The following KIF17 variants were observed in gnomAD, a reference collection of about 807,000 sequenced individuals.
The protein encoded by KIF17 is kinesin family member 17.
Under a neutral mutation model 96.8 loss-of-function variants are expected in KIF17, and 80 were observed. The observed-to-expected ratio is 0.83, with a 90% CI of 0.69 to 1.00. KIF17 has a LOEUF of 1.00. KIF17 is among the 50% of genes least tolerant of loss of function. KIF17 has a pLI of 0.00. For synonymous variants in KIF17, 567 were observed against 587.5 expected (o/e 0.97, Z 0.51); for missense variants, 1,280 against 1,372.9 (o/e 0.93, Z 1.07).
At position 20,704,955 on chromosome 1, in the gene KIF17, G is replaced by A; in HGVS notation, c.671-56C>T. 5 of 1,499,812 alleles carry A rather than the reference G, an allele frequency of 3.3e-6. No homozygotes were observed. The highest frequency in any genetic ancestry group is 1.4e-5 in the African/African-American group (1 of 73,000). 92.9% of individuals were successfully genotyped at this position (1,499,812 alleles called of 1,614,324 possible). Reference sequence around the variant, plus strand: ...CCTCGGGTGAGCCCTATGTATCGAGGGCAATCAGTGCCAGGCACTGGGTGC... The same window carrying A: ...CCTCGGGTGAGCCCTATGTATCGAGAGCAATCAGTGCCAGGCACTGGGTGC... On this transcript the variant is annotated intron_variant, in intron 4 of 14. Coordinates refer to ENST00000400463, the MANE Select transcript of KIF17 (RefSeq NM_001122819.3). This position sits in a 1 kb window ranked among gnomAD's most constrained non-coding sequence, Gnocchi z 6.8.
rs2054209589 is a variant in KIF17, at chr1:20,700,225, T to C, written c.1124-1737A>G. On this transcript the variant is annotated intron_variant, in intron 5 of 14. Coordinates refer to ENST00000400463, the MANE Select transcript of KIF17 (RefSeq NM_001122819.3). The surrounding 1 kb of genome is among the most constrained non-coding windows in gnomAD (Gnocchi z 4.6). ...AGCTGCGACTACAGGTGTGCGCCACTACGCCTGGCTAATATTTTCTATTTT... is the reference window on the plus strand; with the variant it reads ...AGCTGCGACTACAGGTGTGCGCCACCACGCCTGGCTAATATTTTCTATTTT... 2.0e-5 allele frequency among the ~76,000 whole-genome samples: 3 copies of C among 152,120 alleles called. No individual in the cohort carries two copies. The highest frequency in any genetic ancestry group is 4.4e-5 in the Non-Finnish European group (3 of 68,016).
At position 20,678,656 on chromosome 1, in the gene KIF17, T is replaced by A. The variant is rs376205094; in HGVS notation, c.2463+3997A>T. Among the ~76,000 whole-genome samples, 3 of 151,850 alleles carry A rather than the reference T, an allele frequency of 2.0e-5. No homozygotes were observed. The South Asian group carries it at 6.2e-4, about 32-fold the overall frequency. ...AGCAGACAGCCCCGGAGCCACCCCA[T>A]GGGGAGGTAAGCAGAGAGCATCCAG... is the stretch of plus-strand genomic sequence containing the variant. On this transcript the variant is annotated intron_variant, in intron 11 of 14. Transcript: ENST00000400463.
chr1:20,715,450 G>A, intron 2 of KIF17, 43 bp downstream of exon 2: 1 of 1,604,862 alleles, frequency 6.2e-7, no homozygotes. Flanking sequence ...TCTGGGCCCA[G>A]CTGCAGCTCT....
At chr1:20,701,361 G>A (rs1167505459) in intron 5 of KIF17, among the ~76,000 whole-genome samples, 1 of 152,198 alleles carries the variant, frequency 6.6e-6, no homozygotes, top group Non-Finnish European at 1.5e-5. Flanking sequence ...AACCCGGGAG[G>A]TGGAGGTTGC....
chr1:20,714,996 C>T (rs1050893164), intron 2 of KIF17, among the ~76,000 whole-genome samples: 2 of 152,130 alleles, frequency 1.3e-5, no homozygotes, highest in South Asian at 4.1e-4. Flanking sequence ...CACAAATGGT[C>T]GCCAGGTAAT....
chr1:20,671,258 T>A (rs1030542394), intron 12 of KIF17, among the ~76,000 whole-genome samples: 3 of 152,214 alleles, frequency 2.0e-5, no homozygotes, highest in Admixed American at 2.0e-4. Flanking sequence ...AACAATGACA[T>A]GCAGCGAGCA....
intron 4 of KIF17, among the ~76,000 whole-genome samples, chr1:20,707,767 A>C (rs2054365531): frequency 7.0e-6 from 1 of 141,914 alleles, no homozygotes; most frequent in Non-Finnish European, 1.5e-5. Flanking sequence ...TGTCTCAAAA[A>C]AAAAAACAAA....
intron 4 of KIF17, 105 bp from the exon 5 acceptor site, chr1:20,705,004 C>G (rs1392443224): frequency 1.0e-6 from 1 of 1,000,236 alleles, no homozygotes; most frequent in Non-Finnish European, 1.5e-6. Context: ...ACCGAGGGTT[C>G]CCCTCAGCTG....
intron 5 of KIF17, among the ~76,000 whole-genome samples, chr1:20,698,804 C>T (rs555464610): frequency 3.3e-5 from 5 of 152,212 alleles, no homozygotes; most frequent in African/African-American, 1.2e-4. Context: ...GTTCGAGGCC[C>T]TCTCCACTCC....
At chr1:20,689,306 G>A (rs537665953) in intron 7 of KIF17, among the ~76,000 whole-genome samples, 191 of 152,272 alleles carry the variant, frequency 1.3e-3, no homozygotes, top group Non-Finnish European at 1.8e-3. Flanking sequence ...GGCAGCATGC[G>A]TGTTTGACTG....
chr1:20,710,272 T>TGTC (rs2054413647), intron 3 of KIF17, among the ~76,000 whole-genome samples: 1 of 152,208 alleles, frequency 6.6e-6, no homozygotes, highest in Admixed American at 6.5e-5. Context: ...GGGCTGAGCC[T>TGTC]GTCGTCACCC....
intron 3 of KIF17, among the ~76,000 whole-genome samples, chr1:20,712,561 T>A (rs943576200): frequency 1.7e-5 from 1 of 60,384 alleles, no homozygotes; most frequent in African/African-American, 4.0e-5. Context: ...TTATCTATAT[T>A]ATATATATAG....
chr1:20,680,553 G>C (rs1372646903), intron 11 of KIF17, among the ~76,000 whole-genome samples: 2 of 152,038 alleles, frequency 1.3e-5, no homozygotes, highest in Admixed American at 1.3e-4. Context: ...CTTCAGCCTG[G>C]GTGACAGAGT....
intron 1 of KIF17, 21 bp from the exon 2 acceptor site, chr1:20,715,660 AC>A (rs1238296638): frequency 3.7e-6 from 6 of 1,613,460 alleles, no homozygotes; most frequent in Non-Finnish European, 5.1e-6. Context: ...GGAAGGCAGG[AC>A]CCCGTGCTCA....
Position 20,709,700 on chromosome 1 carries a change from C to G in KIF17, c.609G>C (p.Met203Ile). 6.2e-7 allele frequency: 1 copy of G among 1,614,128 alleles called. No individual in the cohort carries two copies. Among genetic ancestry groups the G allele is most frequent in the Non-Finnish European group, 8.5e-7 (1 of 1,180,030 alleles). The change falls in exon 4 of 15, where the codon ATG becomes ATC. Residue 203 changes from methionine to isoleucine, a missense_variant. By Grantham distance (10) the Met-to-Ile change is conservative. Transcript: ENST00000400463. The surrounding 1 kb of genome is among the most constrained non-coding windows in gnomAD (Gnocchi z 4.7). ...WKNRSVGYTLMNKDSSRSHSI... is the reference protein window; with the variant it reads ...WKNRSVGYTLINKDSSRSHSI... ...AGTGCGAGCGTGAGGAATCCTTGTT[C>G]ATCAGCGTGTAGCCGACCGAACGGT...
intron 13 of KIF17, among the ~76,000 whole-genome samples, chr1:20,669,600 G>A (rs981220825): frequency 2.1e-5 from 3 of 145,820 alleles, no homozygotes; most frequent in African/African-American, 5.0e-5. Flanking sequence ...GAGGCCGGGC[G>A]TGGTGGCTCA....
chr1:20,700,009 G>A lies in KIF17; in HGVS notation c.1124-1521C>T, dbSNP rs914072450. Among the ~76,000 whole-genome samples the A allele has an allele frequency of 6.6e-6, 1 of 152,186 alleles. No individual in the cohort carries two copies. The highest frequency in any genetic ancestry group is 1.5e-5 in the Non-Finnish European group (1 of 68,032). ...GGTTAGGCACGAGGAGACCCGTTGC[G>A]GGGGCGTGCAGAAACTCAGTCTGGA... On this transcript the variant is annotated intron_variant, in intron 5 of 14. Transcript: ENST00000400463. This position sits in a 1 kb window ranked among gnomAD's most constrained non-coding sequence, Gnocchi z 4.6.
chr1:20,716,179 T>C (rs1404006121), intron 1 of KIF17, among the ~76,000 whole-genome samples: 8 of 150,188 alleles, frequency 5.3e-5, no homozygotes, highest in South Asian at 2.1e-4. Context: ...ACCCAGGAGA[T>C]TGCAGTGAGC....
chr1:20,662,812 G>T (rs568666165), downstream of KIF17, among the ~76,000 whole-genome samples: 1 of 152,136 alleles, frequency 6.6e-6, no homozygotes, highest in African/African-American at 2.4e-5. Context: ...GCTTTGCAGC[G>T]CTCTCCGCCA....
Sources: gnomAD v4.1 joint callset for allele counts (sites outside exome capture counted in the v4.1 genomes callset) on GRCh38, gnomAD v4.1.1 for gene constraint, Gnocchi (gnomAD v3.1) non-coding constraint, MANE v1.5 for transcripts, NCBI Gene and HGNC (gene_info 2026-07-23, HGNC 2026-07-21) for gene names.